PPIG: variants seen among roughly 807,000 people sequenced by gnomAD.
PPIG encodes the protein peptidyl-prolyl cis-trans isomerase G.
PPIG carries 26 observed loss-of-function variants against 87.9 expected under a neutral mutation model. That is an observed-to-expected ratio of 0.30 (90% CI 0.22 to 0.41). The LOEUF (loss-of-function observed/expected upper bound fraction) is 0.41. Ranked by LOEUF, PPIG falls within the 10% of genes least tolerant of loss-of-function variation. The pLI, the probability that PPIG is intolerant of heterozygous loss-of-function variation, is 1.00. For missense variants in PPIG, 722 were observed against 879.4 expected (o/e 0.82, Z 2.26); for synonymous variants, 308 against 276.5 (o/e 1.11, Z -1.13).
Position 169,636,501 on chromosome 2 carries a change from A to G in PPIG, c.1243A>G (p.Ser415Gly). The change falls in exon 14 of 14, where the codon AGT becomes GGT. Residue 415 changes from serine (S) to glycine (G), a missense_variant. By Grantham distance (56) the Ser-to-Gly change is moderately conservative. This residue lies in a region of PPIG where 476 missense variants were observed against 483.1 expected (regional missense o/e 0.99). Transcript: ENST00000260970. ...KITDHRNVSE[S>G]PNRKNEKEKK... ...AACAGATCACAGGAATGTATCTGAG[A>G]GTCCAAACAGAAAAAATGAAAAGGA... 2 of 1,608,270 alleles carry G rather than the reference A, an allele frequency of 1.2e-6. No homozygotes were observed. The highest frequency in any genetic ancestry group is 1.7e-5 in the Admixed American group (1 of 58,962).
At position 169,584,510 on chromosome 2, in the gene PPIG, A is replaced by G. The variant is rs548511870; in HGVS notation, c.-70+20A>G. 13 of 470,372 alleles carry G rather than the reference A, an allele frequency of 2.8e-5. No individual in the cohort carries two copies. Among genetic ancestry groups the G allele is most frequent in the African/African-American group, 2.4e-4 (12 of 50,164 alleles). The allele number at this position is 470,372 out of a possible 1,614,324, so 29.1% of individuals were successfully genotyped here. A position where few individuals can be genotyped will look rare whatever the true frequency, so the allele number is the denominator to read the frequency against. ...GTGCAGGTAAGTGGTATGAGGCTCA[A>G]GTTGTTCTGGCGGCGTCATTTCAGC... On this transcript the variant is annotated intron_variant, in intron 1 of 13. Transcript: ENST00000260970.
At chr2:169,599,040 G>A (rs576015843) in intron 1 of PPIG, among the ~76,000 whole-genome samples, 6 of 151,908 alleles carry the variant, frequency 3.9e-5, no homozygotes, top group South Asian at 2.1e-4. Context: ...CTTATTTTGC[G>A]AATGTGTAAG....
At chr2:169,630,120 A>C (rs1424097234) in intron 9 of PPIG, among the ~76,000 whole-genome samples, 1 of 146,870 alleles carries the variant, frequency 6.8e-6, no homozygotes, top group African/African-American at 2.6e-5. Flanking sequence ...TATTTATATT[A>C]ATTGATCCTT....
rs1301916730 is a variant in PPIG, at chr2:169,633,265, C to T, written c.1017+18C>T. The T allele has an allele frequency of 2.0e-6, 3 of 1,491,762 alleles. No individual in the cohort carries two copies. The highest frequency in any genetic ancestry group is 2.8e-6 in the Non-Finnish European group (3 of 1,070,396). 92.4% of individuals were successfully genotyped at this position (1,491,762 alleles called of 1,614,324 possible). A position where few individuals can be genotyped will look rare whatever the true frequency, so the allele number is the denominator to read the frequency against. On this transcript the variant is annotated intron_variant, in intron 12 of 13. Coordinates refer to ENST00000260970, the MANE Select transcript of PPIG (RefSeq NM_004792.3). Reference sequence around the variant, plus strand: ...GACCAAGGGTAGGTGATTCTTTCCCCAGAGATCTTCACAATATTGCATTTG... The same window carrying T: ...GACCAAGGGTAGGTGATTCTTTCCCTAGAGATCTTCACAATATTGCATTTG...
chr2:169,603,910 T>C (rs576080500), intron 2 of PPIG, 116 bp from the exon 3 acceptor site: 7 of 772,860 alleles, frequency 9.1e-6, no homozygotes, highest in South Asian at 5.4e-5. Flanking sequence ...GAAATAAATA[T>C]CAAAATAAAT....
chr2:169,608,555 TATC>T (rs1685397848), intron 6 of PPIG, 113 bp from the exon 7 acceptor site: 3 of 545,540 alleles, frequency 5.5e-6, no homozygotes, highest in Admixed American at 3.3e-5. Context: ...CTAACTTTAT[TATC>T]TAAGTAAGTT....
In PPIG at chr2:169,637,782, A is replaced by T. The variant is rs1264232917; in HGVS notation, c.*259A>T. On this transcript the variant is annotated 3_prime_UTR_variant, in exon 14 of 14. Coordinates refer to ENST00000260970, the MANE Select transcript of PPIG (RefSeq NM_004792.3). ...ACTGTGTGCTGTGTTTAACTATTTT[A>T]TGTATGCATTACTGTGTTGCAACAA... 1 of 292,084 alleles carries T rather than the reference A, an allele frequency of 3.4e-6. No individual in the cohort carries two copies. Among genetic ancestry groups the T allele is most frequent in the East Asian group, 5.9e-5 (1 of 16,906 alleles). The allele number at this position is 292,084 out of a possible 1,614,324, so 18.1% of individuals were successfully genotyped here. A position where few individuals can be genotyped will look rare whatever the true frequency, so the allele number is the denominator to read the frequency against.
intron 1 of PPIG, among the ~76,000 whole-genome samples, chr2:169,598,785 C>T (rs7567793): frequency 3.5e-5 from 5 of 141,278 alleles, no homozygotes; most frequent in African/African-American, 1.1e-4. Flanking sequence ...ATTATATATA[C>T]ATTTATCAAA....
intron 1 of PPIG, among the ~76,000 whole-genome samples, chr2:169,600,069 GA>G (rs1255645097): frequency 1.6e-4 from 23 of 139,690 alleles, no homozygotes; most frequent in East Asian, 4.5e-4. Flanking sequence ...TTTGTGAGAG[GA>G]AAAAAAAATT....
At chr2:169,598,060 G>GCA (rs1487845427) in intron 1 of PPIG, among the ~76,000 whole-genome samples, 4 of 151,124 alleles carry the variant, frequency 2.6e-5, no homozygotes, top group African/African-American at 9.7e-5. Context: ...GAGTGCCATG[G>GCA]CACAATCTCA....
chr2:169,606,286 A>G, intron 5 of PPIG, 140 bp downstream of exon 5: 1 of 718,428 alleles, frequency 1.4e-6, no homozygotes, highest in South Asian at 1.7e-5. Flanking sequence ...GTACTCATAG[A>G]AATATGTAAA....
At chr2:169,587,794 G>A (rs1684744579) in intron 1 of PPIG, among the ~76,000 whole-genome samples, 1 of 152,060 alleles carries the variant, frequency 6.6e-6, no homozygotes, top group African/African-American at 2.4e-5. Context: ...ATGATCACAC[G>A]CTTACTGAAA....
At chr2:169,600,428 A>G (rs560964271) in intron 1 of PPIG, among the ~76,000 whole-genome samples, 17 of 152,272 alleles carry the variant, frequency 1.1e-4, no homozygotes, top group African/African-American at 3.8e-4. Context: ...CTCTTACCCA[A>G]AATGCTTTGG....
chr2:169,615,947 A>G (rs1685598926), intron 9 of PPIG, among the ~76,000 whole-genome samples: 1 of 152,180 alleles, frequency 6.6e-6, no homozygotes, highest in African/African-American at 2.4e-5. Context: ...TGCTGAACCC[A>G]TCAGCCCGTC....
At chr2:169,606,373 C>G (rs1299673521) in intron 5 of PPIG, among the ~76,000 whole-genome samples, 1 of 151,880 alleles carries the variant, frequency 6.6e-6, no homozygotes, top group African/African-American at 2.4e-5. Context: ...GTGGGCGGAT[C>G]ACGAGGTCAG....
At chr2:169,611,984 T>G (rs1340128773) in intron 7 of PPIG, among the ~76,000 whole-genome samples, 1 of 152,188 alleles carries the variant, frequency 6.6e-6, no homozygotes, top group Non-Finnish European at 1.5e-5. Context: ...ATTTATTTAT[T>G]TATTTATTTG....
At chr2:169,635,461 A>G (rs888821714) in intron 12 of PPIG, among the ~76,000 whole-genome samples, 6 of 152,092 alleles carry the variant, frequency 3.9e-5, no homozygotes, top group African/African-American at 1.5e-4. Context: ...CCATTCTATT[A>G]TAGCTGCATA....
At chr2:169,631,622 A>AT in intron 10 of PPIG, 144 bp from the exon 11 acceptor site, 8 of 1,445,854 alleles carry the variant, frequency 5.5e-6, no homozygotes, top group Non-Finnish European at 7.2e-6. Flanking sequence ...GGAATAGAAG[A>AT]TTTTTCCCAT....
intron 1 of PPIG, among the ~76,000 whole-genome samples, chr2:169,593,785 TACAGGCGCCCGCC>T (rs1443119567): frequency 6.7e-6 from 1 of 150,372 alleles, no homozygotes; most frequent in East Asian, 2.0e-4. Context: ...CAGGTGGGAC[TACAGGCGCCCGCC>T]ACCATGCCCG....
Sources: allele counts gnomAD v4.1 joint callset (sites outside exome capture counted in the v4.1 genomes callset), GRCh38; gene constraint gnomAD v4.1.1; regional missense constraint gnomAD v4.1.1; transcripts MANE v1.5; gene names NCBI Gene and HGNC (gene_info 2026-07-23, HGNC 2026-07-21).